The following DOK5 variants were observed in gnomAD, a reference collection of about 807,000 sequenced individuals.
DOK5 encodes docking protein 5, also known as downstream of tyrosine kinase 5.
Under a neutral mutation model 43.3 loss-of-function variants are expected in DOK5, and 27 were observed. The observed-to-expected ratio is 0.62, with a 90% confidence interval of 0.46 to 0.86. DOK5 has a LOEUF of 0.86. Among genes scored for constraint, DOK5 ranks in the 40% least tolerant of loss-of-function variants. DOK5 has a pLI of 0.00. For missense variants in DOK5, 373 were observed against 392.9 expected (o/e 0.95, Z 0.43); for synonymous variants, 146 against 140.1 (o/e 1.04, Z -0.30).
intron 1 of DOK5, among the ~76,000 whole-genome samples, chr20:54,494,417 T>C (rs1304484048): frequency 1.3e-5 from 2 of 152,204 alleles, no homozygotes; most frequent in African/African-American, 4.8e-5. Context: ...TAGACCTGTG[T>C]GGTGAGCATG....
intron 2 of DOK5, among the ~76,000 whole-genome samples, chr20:54,561,065 T>A (rs1242954472): frequency 6.6e-6 from 1 of 152,220 alleles, no homozygotes. Flanking sequence ...CAGGTTTGCA[T>A]GCAGCACTCC....
intron 1 of DOK5, among the ~76,000 whole-genome samples, chr20:54,531,069 C>G (rs1983755598): frequency 6.6e-6 from 1 of 152,098 alleles, no homozygotes; most frequent in Admixed American, 6.5e-5. Flanking sequence ...TGTGACTTTC[C>G]TCAGTAATTG....
intron 1 of DOK5, among the ~76,000 whole-genome samples, chr20:54,480,419 A>G (rs1403617754): frequency 2.0e-5 from 3 of 152,168 alleles, no homozygotes; most frequent in African/African-American, 4.8e-5. Flanking sequence ...CACCAGTGCT[A>G]TGACAGTTTA....
At chr20:54,509,354 T>G (rs1335275801) in intron 1 of DOK5, among the ~76,000 whole-genome samples, 1 of 152,022 alleles carries the variant, frequency 6.6e-6, no homozygotes, top group African/African-American at 2.4e-5. Flanking sequence ...CTGCACCTGG[T>G]TAATTTTACA....
At chr20:54,515,301 C>T (rs1308691474) in intron 1 of DOK5, among the ~76,000 whole-genome samples, 1 of 152,200 alleles carries the variant, frequency 6.6e-6, no homozygotes, top group African/African-American at 2.4e-5. Flanking sequence ...GCATGAGCCA[C>T]CGTGCCCGGC....
At chr20:54,610,288 A>G (rs756494272) in intron 5 of DOK5, 100 bp from the exon 6 acceptor site, 35 of 1,213,230 alleles carry the variant, frequency 2.9e-5, no homozygotes, top group Non-Finnish European at 3.7e-5. Context: ...AGAATAAAAA[A>G]TAATAAATGG....
At chr20:54,589,997 C>T (rs1985930726) in intron 4 of DOK5, among the ~76,000 whole-genome samples, 2 of 152,090 alleles carry the variant, frequency 1.3e-5, no homozygotes, top group South Asian at 2.1e-4. Context: ...TCAGGACACC[C>T]CAGGCAGAGA....
intron 1 of DOK5, among the ~76,000 whole-genome samples, chr20:54,533,094 C>A (rs1001593093): frequency 1.3e-5 from 2 of 152,194 alleles, no homozygotes; most frequent in African/African-American, 4.8e-5. Context: ...TTTTGAGAAT[C>A]CTCTTCTTTG....
At chr20:54,569,679 A>C (rs1448159492) in intron 2 of DOK5, among the ~76,000 whole-genome samples, 3 of 152,194 alleles carry the variant, frequency 2.0e-5, no homozygotes, top group African/African-American at 7.2e-5. Context: ...CCCTCATGTC[A>C]GATTCCATTC....
intron 5 of DOK5, among the ~76,000 whole-genome samples, chr20:54,592,636 G>A (rs1019233511): frequency 6.6e-6 from 1 of 151,708 alleles, no homozygotes; most frequent in African/African-American, 2.4e-5. Context: ...CGCCTCCCGG[G>A]TTCACGCCAT....
chr20:54,545,311 C>T (rs1300296574), intron 1 of DOK5, among the ~76,000 whole-genome samples: 1 of 152,234 alleles, frequency 6.6e-6, no homozygotes, highest in Non-Finnish European at 1.5e-5. Flanking sequence ...TGGTTAACAT[C>T]TCCACCCTTG....
In DOK5 at chr20:54,554,511, C is replaced by T. The variant is rs75865786; in HGVS notation, c.67-422C>T. Reference sequence around the variant, plus strand: ...CCATCCATTATGAGGAATATCACGACAACCATGAGCTGCCAGATTCTAGGA... The same window carrying T: ...CCATCCATTATGAGGAATATCACGATAACCATGAGCTGCCAGATTCTAGGA... On this transcript the variant is annotated intron_variant, in intron 1 of 7. Transcript: ENST00000262593. 5.4e-3 allele frequency among the ~76,000 whole-genome samples: 828 copies of T among 152,326 alleles called. 8 individuals carry two copies. Among genetic ancestry groups the T allele is most frequent in the African/African-American group, 0.019 (772 of 41,576 alleles).
In DOK5 at chr20:54,645,672, G is replaced by T. The variant is rs186853232; in HGVS notation, c.856+2094G>T. ...ACTCATAAGATGCAGATGATGGCCGGTTTTCATTTCATATTTATGTGGCCA... is the reference window on the plus strand; with the variant it reads ...ACTCATAAGATGCAGATGATGGCCGTTTTTCATTTCATATTTATGTGGCCA... On this transcript the variant is annotated intron_variant, in intron 7 of 7. Coordinates refer to ENST00000262593, the MANE Select transcript of DOK5 (RefSeq NM_018431.5). Among the ~76,000 whole-genome samples, 35 of 152,132 alleles carry T rather than the reference G, an allele frequency of 2.3e-4. No individual in the cohort carries two copies. The East Asian group carries it at 6.2e-3, about 27-fold the overall frequency.
At chr20:54,625,772 G>A (rs1987113220) in intron 6 of DOK5, among the ~76,000 whole-genome samples, 1 of 152,166 alleles carries the variant, frequency 6.6e-6, no homozygotes, top group Non-Finnish European at 1.5e-5. Context: ...TTACTGACTT[G>A]TAGTGGGAGA....
At chr20:54,643,612 G>C in intron 7 of DOK5, 34 bp downstream of exon 7, 1 of 1,599,762 alleles carries the variant, frequency 6.3e-7, no homozygotes, top group South Asian at 1.1e-5. Context: ...CAGGGTGTGG[G>C]CCAGGCCTGG....
Position 54,639,613 on chromosome 20 carries a change from A to G in DOK5, c.736-3845A>G, listed in dbSNP as rs1304265937. On this transcript the variant is annotated intron_variant, in intron 6 of 7. Transcript: ENST00000262593. ...TTTTACTTGTTAATGTGAAGATATTATATCTATTGTAAAAAAAAAACTATA... is the reference window on the plus strand; with the variant it reads ...TTTTACTTGTTAATGTGAAGATATTGTATCTATTGTAAAAAAAAAACTATA... 3.0e-5 allele frequency among the ~76,000 whole-genome samples: 3 copies of G among 98,892 alleles called. No homozygotes were observed. In the Admixed American group the frequency reaches 3.1e-4, roughly 10 times the overall value. 64.9% of individuals were successfully genotyped at this position (98,892 alleles called of 152,430 possible).
At chr20:54,544,117 A>G (rs1489393601) in intron 1 of DOK5, among the ~76,000 whole-genome samples, 1 of 152,136 alleles carries the variant, frequency 6.6e-6, no homozygotes, top group Non-Finnish European at 1.5e-5. Context: ...TACATATTTT[A>G]CTTCATGATT....
intron 1 of DOK5, among the ~76,000 whole-genome samples, chr20:54,531,219 A>G (rs536592793): frequency 2.8e-4 from 42 of 152,210 alleles, no homozygotes; most frequent in Non-Finnish European, 4.4e-4. Context: ...CCACTTTCAT[A>G]TATTATGTGG....
intron 1 of DOK5, among the ~76,000 whole-genome samples, chr20:54,483,945 C>T (rs563996494): frequency 1.3e-5 from 2 of 152,114 alleles, no homozygotes; most frequent in East Asian, 1.9e-4. Flanking sequence ...GTTCTTAAGC[C>T]GAGTTGTTAA....
Sources: allele counts gnomAD v4.1 joint callset (sites outside exome capture counted in the v4.1 genomes callset), GRCh38; gene constraint gnomAD v4.1.1; transcripts MANE v1.5; gene names NCBI Gene and HGNC (gene_info 2026-07-23, HGNC 2026-07-21).